ZNF385B: variants seen among roughly 807,000 people sequenced by gnomAD.
The protein encoded by ZNF385B is zinc finger protein 533.
A neutral mutation model predicts 39.2 loss-of-function variants in ZNF385B; 23 were observed. The ratio of observed to expected loss-of-function variants is 0.59; its 90% CI spans 0.42 to 0.83. The LOEUF is 0.83. Among genes scored for constraint, ZNF385B ranks in the 40% least tolerant of loss-of-function variants. The pLI, the probability that ZNF385B is intolerant of heterozygous loss-of-function variation, is 0.00. For synonymous variants in ZNF385B, 205 were observed against 222.6 expected, an observed-to-expected ratio of 0.92 and a Z score of 0.70; for missense variants, 552 against 598.9, an observed-to-expected ratio of 0.92 and a Z score of 0.82.
intron 5 of ZNF385B, among the ~76,000 whole-genome samples, chr2:179,511,271 T>C (rs1443175973): frequency 6.6e-6 from 1 of 152,148 alleles, no homozygotes; most frequent in Non-Finnish European, 1.5e-5. Flanking sequence ...AGGTCTCTGC[T>C]GGGTGACAGA....
chr2:179,670,291 CAAAAA>C (rs35600247), intron 3 of ZNF385B, among the ~76,000 whole-genome samples: 6 of 100,604 alleles, frequency 6.0e-5, no homozygotes, highest in Admixed American at 1.1e-4. Context: ...GACTCCGTCT[CAAAAA>C]AAAAAAAAAA....
chr2:179,698,539 T>C (rs141353294), intron 3 of ZNF385B, among the ~76,000 whole-genome samples: 1 of 152,206 alleles, frequency 6.6e-6, no homozygotes, highest in Admixed American at 6.5e-5. Flanking sequence ...CAAGGGCAAC[T>C]ACTTCTTCAT....
chr2:179,516,540 G>A (rs1261080989), intron 5 of ZNF385B, among the ~76,000 whole-genome samples: 1 of 151,904 alleles, frequency 6.6e-6, no homozygotes, highest in Non-Finnish European at 1.5e-5. Flanking sequence ...AACATGTTGA[G>A]CATTTTTTTA....
At chr2:179,793,737 C>T (rs1422009578) in intron 1 of ZNF385B, among the ~76,000 whole-genome samples, 1 of 152,174 alleles carries the variant, frequency 6.6e-6, no homozygotes, top group Non-Finnish European at 1.5e-5. Flanking sequence ...CAGTTGGCAA[C>T]AGCTGCCATG....
intron 3 of ZNF385B, among the ~76,000 whole-genome samples, chr2:179,668,665 G>A (rs1436987998): frequency 6.9e-6 from 1 of 145,440 alleles, no homozygotes; most frequent in East Asian, 2.0e-4. Flanking sequence ...ATTAGTTTCT[G>A]CTGAGAGGAG....
chr2:179,731,605 G>A (rs745703511), intron 3 of ZNF385B, among the ~76,000 whole-genome samples: 1 of 152,104 alleles, frequency 6.6e-6, no homozygotes, highest in Non-Finnish European at 1.5e-5. Flanking sequence ...ATTGATCAGG[G>A]TGGAGTGTGG....
chr2:179,779,375 T>G (rs1267827914), intron 1 of ZNF385B, among the ~76,000 whole-genome samples: 1 of 152,032 alleles, frequency 6.6e-6, no homozygotes, highest in Non-Finnish European at 1.5e-5. Context: ...GAATGAGATG[T>G]GAAATAAAGC....
At chr2:179,679,074 T>C (rs539029500) in intron 3 of ZNF385B, among the ~76,000 whole-genome samples, 21 of 152,310 alleles carry the variant, frequency 1.4e-4, no homozygotes, top group African/African-American at 4.3e-4. Context: ...TTGTCAGTAG[T>C]CTAATATATA....
chr2:179,735,144 C>A (rs1371020294), intron 3 of ZNF385B, among the ~76,000 whole-genome samples: 2 of 151,950 alleles, frequency 1.3e-5, no homozygotes, highest in African/African-American at 4.8e-5. Context: ...TGACAAAGGG[C>A]TAATATCCAG....
intron 3 of ZNF385B, among the ~76,000 whole-genome samples, chr2:179,724,154 C>T (rs1003365217): frequency 6.6e-6 from 1 of 151,930 alleles, no homozygotes; most frequent in African/African-American, 2.4e-5. Context: ...ACGAAAAATA[C>T]AAAAATTCAC....
intron 6 of ZNF385B, among the ~76,000 whole-genome samples, chr2:179,481,334 G>A (rs1295351731): frequency 1.3e-5 from 2 of 151,042 alleles, no homozygotes; most frequent in Admixed American, 6.6e-5. Flanking sequence ...CCTTTATTTC[G>A]ATTTTCTATT....
chr2:179,839,310 GTTGGAGTC>G (rs903557017), intron 1 of ZNF385B, among the ~76,000 whole-genome samples: 31 of 152,170 alleles, frequency 2.0e-4, no homozygotes, highest in African/African-American at 7.0e-4. Context: ...ACTGTGAGCA[GTTGGAGTC>G]TTCCCCACCA....
chr2:179,546,843 C>A (rs1185986802), intron 3 of ZNF385B, among the ~76,000 whole-genome samples: 2 of 149,586 alleles, frequency 1.3e-5, no homozygotes, highest in Non-Finnish European at 3.0e-5. Context: ...ACCTTTCCAC[C>A]AACAGTGGAG....
chr2:179,762,350 C>A (rs1703451840), intron 3 of ZNF385B, among the ~76,000 whole-genome samples: 1 of 152,044 alleles, frequency 6.6e-6, no homozygotes, highest in African/African-American at 2.4e-5. Context: ...CTACTATGCC[C>A]AGCTAATTTT....
chr2:179,576,069 C>T (rs1432688057), intron 3 of ZNF385B: 19 of 905,426 alleles, frequency 2.1e-5, no homozygotes, highest in Non-Finnish European at 2.5e-5. Context: ...ACACTTGCCC[C>T]GTACCTCTCC....
intron 9 of ZNF385B, among the ~76,000 whole-genome samples, chr2:179,444,235 A>G (rs531585434): frequency 1.3e-5 from 2 of 152,340 alleles, no homozygotes; most frequent in South Asian, 4.1e-4. Flanking sequence ...CTCCAGCTGG[A>G]CAAGCTCAGC....
intron 3 of ZNF385B, among the ~76,000 whole-genome samples, chr2:179,642,096 A>C (rs2106222207): frequency 6.6e-6 from 1 of 152,288 alleles, no homozygotes; most frequent in South Asian, 2.1e-4. Flanking sequence ...GAGATATTGA[A>C]AACTTTGGTC....
intron 3 of ZNF385B, among the ~76,000 whole-genome samples, chr2:179,604,300 T>G (rs976040669): frequency 6.6e-6 from 1 of 151,998 alleles, no homozygotes; most frequent in South Asian, 2.1e-4. Context: ...CTTTAAAGTA[T>G]AGAACTATTA....
chr2:179,800,445 G>A (rs997343783), intron 1 of ZNF385B, among the ~76,000 whole-genome samples: 6 of 151,982 alleles, frequency 3.9e-5, no homozygotes, highest in Admixed American at 6.6e-5. Context: ...TCAAAGCTGA[G>A]GAAATTTGCC....
Sources: gnomAD v4.1 joint callset for allele counts (sites outside exome capture counted in the v4.1 genomes callset) on GRCh38, gnomAD v4.1.1 for gene constraint, MANE v1.5 for transcripts, NCBI Gene and HGNC (gene_info 2026-07-23, HGNC 2026-07-21) for gene names.